Variants in EHD2 observed in about 807,000 individuals in gnomAD.
The protein encoded by EHD2 is EH domain containing 2, also known as EH domain-containing protein 2.
A neutral mutation model predicts 41.0 loss-of-function variants in EHD2; 27 were observed. The observed-to-expected ratio is 0.66, with a 90% CI of 0.49 to 0.91. EHD2 has a LOEUF of 0.91. Ranked by LOEUF, EHD2 falls within the 40% of genes least tolerant of loss-of-function variation. The pLI is 0.00. For missense variants in EHD2, 673 were observed against 773.9 expected (o/e 0.87, Z 1.55); for synonymous variants, 342 against 341.0 (o/e 1.00, Z -0.03).
chr19:47,713,702 C>CCCCACTCTTCCCACTCCT (rs1973597299), intron 1 of EHD2, among the ~76,000 whole-genome samples, 164 bp downstream of exon 1: 1 of 149,842 alleles, frequency 6.7e-6, no homozygotes, highest in Admixed American at 6.7e-5. Context: ...TAACCATGTC[C>CCCCACTCTTCCCACTCCT]CCCACTCTTC....
intron 5 of EHD2, 89 bp from the exon 6 acceptor site, chr19:47,740,792 C>T (rs551748833): frequency 7.1e-7 from 1 of 1,411,454 alleles, no homozygotes; most frequent in South Asian, 1.3e-5. Flanking sequence ...TACCCCCGAG[C>T]TTCTCCAGTG....
In EHD2 at chr19:47,740,977, C is replaced by T. The variant is rs760712328; in HGVS notation, c.1177C>T (p.Leu393Phe). 13 of 1,612,150 alleles carry T rather than the reference C, an allele frequency of 8.1e-6. No homozygotes were observed. The highest frequency in any genetic ancestry group is 7.7e-5 in the South Asian group (7 of 91,076). The stretch of plus-strand genomic sequence containing the variant: ...GATGCTGACGCACGACATCGCCAAG[C>T]TCATGCCCCTGCTGCGGCAGGAGGA... ...DEMLTHDIAK[L>F]MPLLRQEELE... is the part of the protein sequence containing the mutation. The change falls in exon 6 of 6, where the codon CTC becomes TTC. Residue 393 changes from leucine (L) to phenylalanine (F), a missense_variant. Physicochemically the swap from Leu to Phe is conservative, Grantham distance 22. Transcript: ENST00000263277.
intron 5 of EHD2, among the ~76,000 whole-genome samples, chr19:47,740,495 A>T (rs1237345790): frequency 1.3e-5 from 2 of 151,636 alleles, no homozygotes; most frequent in Admixed American, 6.6e-5. Context: ...CATGCCTGTA[A>T]TCCCAGCATT....
chr19:47,738,807 TCAG>T (rs1568594193), intron 5 of EHD2, among the ~76,000 whole-genome samples: 1 of 152,126 alleles, frequency 6.6e-6, no homozygotes, highest in Non-Finnish European at 1.5e-5. Flanking sequence ...CTGCCTTGGC[TCAG>T]GAAATTCACA....
At chr19:47,724,063 C>A (rs1031712058) in intron 3 of EHD2, among the ~76,000 whole-genome samples, 14 of 147,962 alleles carry the variant, frequency 9.5e-5, no homozygotes, top group African/African-American at 3.3e-4. Context: ...CATTTATATT[C>A]TTTTAATCTT....
At chr19:47,738,598 G>A (rs968511335) in intron 5 of EHD2, among the ~76,000 whole-genome samples, 3 of 152,184 alleles carry the variant, frequency 2.0e-5, no homozygotes, top group Non-Finnish European at 4.4e-5. Context: ...CACTGCGCCC[G>A]GCCTGTATTT....
At position 47,741,886 on chromosome 19, in the gene EHD2, C is replaced by T. The variant is rs1169417426; in HGVS notation, c.*454C>T. 1 of 459,540 alleles carries T rather than the reference C, an allele frequency of 2.2e-6. No individual in the cohort carries two copies. The highest frequency in any genetic ancestry group is 1.5e-5 in the South Asian group (1 of 64,604). The allele number at this position is 459,540 out of a possible 1,614,324, so 28.5% of individuals were successfully genotyped here. On this transcript the variant is annotated 3_prime_UTR_variant, in exon 6 of 6. Transcript: ENST00000263277. The surrounding 1 kb of genome is among the most constrained non-coding windows in gnomAD (Gnocchi z 4.5). ...CACTAATTCCTGGCAGGGCCCCCAGCCCCTCCCCTGGCTGAGCAGCCCTGT... is the reference window on the plus strand; with the variant it reads ...CACTAATTCCTGGCAGGGCCCCCAGTCCCTCCCCTGGCTGAGCAGCCCTGT...
Position 47,736,387 on chromosome 19 carries a change from A to G in EHD2, c.934A>G (p.Ser312Gly). ...CCCACAGGTTCACGCTTACATCATCAGCTACCTGAAGAAGGAGATGCCCTC... is the reference window on the plus strand; with the variant it reads ...CCCACAGGTTCACGCTTACATCATCGGCTACCTGAAGAAGGAGATGCCCTC... ...RLVRVHAYII[S>G]YLKKEMPSVF... Residue 312 changes from serine to glycine, a missense_variant, in exon 5 of 6, where the codon AGC becomes GGC. By Grantham distance (56) the Ser-to-Gly change is moderately conservative. Coordinates refer to ENST00000263277, the MANE Select transcript of EHD2 (RefSeq NM_014601.4). 6.2e-7 allele frequency: 1 copy of G among 1,613,368 alleles called. No individual in the cohort carries two copies. The highest frequency in any genetic ancestry group is 2.2e-5 in the East Asian group (1 of 44,812).
In EHD2 at chr19:47,726,258, G is replaced by C. The variant is rs750313094; in HGVS notation, c.915+34G>C. 4.8e-6 allele frequency: 7 copies of C among 1,456,224 alleles called. No homozygotes were observed. The East Asian group carries it at 1.7e-4, about 36-fold the overall frequency. The allele number at this position is 1,456,224 out of a possible 1,614,324, so 90.2% of individuals were successfully genotyped here. A position where few individuals can be genotyped will look rare whatever the true frequency, so the allele number is the denominator to read the frequency against. ...TCCTGAGGGCTGGGCGCGCATTCTT[G>C]GAGGAGGTTTCCTCGGTCCTCTCCT... On this transcript the variant is annotated intron_variant, in intron 4 of 5. Coordinates refer to ENST00000263277, the MANE Select transcript of EHD2 (RefSeq NM_014601.4).
rs368502156 is a variant in EHD2, at chr19:47,728,632, G to A, written c.915+2408G>A. 1.3e-4 allele frequency among the ~76,000 whole-genome samples: 20 copies of A among 148,166 alleles called. 1 individual carries two copies. Among genetic ancestry groups the A allele is most frequent in the East Asian group, 9.9e-4 (5 of 5,072 alleles). ...TGCCCAGGCTGGAGTGCAGTGGTGC[G>A]ATATCAGCTCACTGCAACCTCCACC... On this transcript the variant is annotated intron_variant, in intron 4 of 5. Coordinates refer to ENST00000263277, the MANE Select transcript of EHD2 (RefSeq NM_014601.4).
In EHD2 at chr19:47,718,622, C is replaced by T; in HGVS notation, c.502+16C>T. Reference sequence around the variant, plus strand: ...GTGAGCCGCGGTGAGTGGGGCCAGACCCTGGGGTCTGAGGGAGGAGGGGCT... The same window carrying T: ...GTGAGCCGCGGTGAGTGGGGCCAGATCCTGGGGTCTGAGGGAGGAGGGGCT... On this transcript the variant is annotated intron_variant, in intron 3 of 5. Coordinates refer to ENST00000263277, the MANE Select transcript of EHD2 (RefSeq NM_014601.4). 1 of 1,553,702 alleles carries T rather than the reference C, an allele frequency of 6.4e-7. No individual in the cohort carries two copies. The highest frequency in any genetic ancestry group is 8.7e-7 in the Non-Finnish European group (1 of 1,147,504).
chr19:47,716,248 A>AT (rs985156136), intron 1 of EHD2, among the ~76,000 whole-genome samples: 3 of 150,470 alleles, frequency 2.0e-5, no homozygotes, highest in Admixed American at 6.6e-5. Flanking sequence ...CCAGCTAATT[A>AT]TTTTTTTTGT....
At chr19:47,733,722 AGTCTG>A (rs1200519271) in intron 4 of EHD2, among the ~76,000 whole-genome samples, 2 of 132,962 alleles carry the variant, frequency 1.5e-5, no homozygotes, top group African/African-American at 2.9e-5. Flanking sequence ...ACTGCACTCC[AGTCTG>A]GGTGACAGAG....
In EHD2 at chr19:47,736,395, G is replaced by A. The variant is rs372331248; in HGVS notation, c.942G>A (p.Leu314=). The A allele has an allele frequency of 1.5e-5, 24 of 1,613,328 alleles. No homozygotes were observed. In the African/African-American group the frequency reaches 2.8e-4, roughly 19 times the overall value. The change falls in exon 5 of 6, where the codon CTG becomes CTA. Residue 314 remains leucine (L), a synonymous_variant. Transcript: ENST00000263277. ...TTCACGCTTACATCATCAGCTACCT[G>A]AAGAAGGAGATGCCCTCTGTGTTTG... is the stretch of plus-strand genomic sequence containing the variant. ...VRVHAYIISY[L]KKEMPSVFGK... is the part of the protein sequence containing the mutation.
At position 47,742,732 on chromosome 19, in the gene EHD2, C is replaced by T. The variant is rs1363124612; in HGVS notation, c.*1300C>T. 6.5e-6 allele frequency: 1 copy of T among 153,020 alleles called. No homozygotes were observed. Among genetic ancestry groups the T allele is most frequent in the Non-Finnish European group, 1.5e-5 (1 of 68,388 alleles). 9.5% of individuals were successfully genotyped at this position (153,020 alleles called of 1,614,324 possible). ...TCCTGGCCCCCTGGAAGCCTCCCCA[C>T]AGCTGGTAATCTGGACTTAAGGATT... On this transcript the variant is annotated 3_prime_UTR_variant, in exon 6 of 6. Transcript: ENST00000263277.
Position 47,725,926 on chromosome 19 carries a change from C to G in EHD2, c.617C>G (p.Ala206Gly). 2 of 1,613,980 alleles carry G rather than the reference C, an allele frequency of 1.2e-6. No individual in the cohort carries two copies. The highest frequency in any genetic ancestry group is 1.7e-6 in the Non-Finnish European group (2 of 1,179,892). Reference sequence around the variant, plus strand: ...GACGAGTTCTCAGAGGCCATCGGCGCGTTGCGGGGCCATGAGGACAAGATC... The same window carrying G: ...GACGAGTTCTCAGAGGCCATCGGCGGGTTGCGGGGCCATGAGGACAAGATC... ...ISDEFSEAIG[A>G]LRGHEDKIRV... The change falls in exon 4 of 6, where the codon GCG becomes GGG. Residue 206 changes from alanine to glycine, a missense_variant. Physicochemically the swap from Ala to Gly is moderately conservative, Grantham distance 60 (BLOSUM62 0). Coordinates refer to ENST00000263277, the MANE Select transcript of EHD2 (RefSeq NM_014601.4).
At chr19:47,736,109 T>C (rs1599901899) in intron 4 of EHD2, among the ~76,000 whole-genome samples, 1 of 152,044 alleles carries the variant, frequency 6.6e-6, no homozygotes, top group East Asian at 1.9e-4. Flanking sequence ...GACAGGAGAA[T>C]TGCTTGAAGC....
intron 2 of EHD2, among the ~76,000 whole-genome samples, chr19:47,718,307 C>T (rs887586633): frequency 6.7e-6 from 1 of 150,224 alleles, no homozygotes; most frequent in Non-Finnish European, 1.5e-5. Flanking sequence ...CAGTACCTGG[C>T]ACAAATTAAG....
chr19:47,741,348 G>C lies in EHD2; in HGVS notation c.1548G>C (p.Lys516Asn), dbSNP rs753745271. ...TGGCCAGCCACCTCATCGAGGCCAA[G>C]CTGGAAGGCCACGGGCTGCCCGCCA... ...FALASHLIEA[K>N]LEGHGLPANL... The change falls in exon 6 of 6, where the codon AAG becomes AAC. Residue 516 changes from lysine to asparagine, a missense_variant. Transcript: ENST00000263277. This position sits in a 1 kb window ranked among gnomAD's most constrained non-coding sequence, Gnocchi z 4.5. The C allele has an allele frequency of 6.2e-7, 1 of 1,611,368 alleles. No individual in the cohort carries two copies. The highest frequency in any genetic ancestry group is 8.5e-7 in the Non-Finnish European group (1 of 1,179,774).
Sources: allele counts gnomAD v4.1 joint callset (sites outside exome capture counted in the v4.1 genomes callset), GRCh38; gene constraint gnomAD v4.1.1; non-coding constraint Gnocchi (gnomAD v3.1); transcripts MANE v1.5; gene names NCBI Gene and HGNC (gene_info 2026-07-23, HGNC 2026-07-21).